Variants in SEMA5A observed in about 807,000 individuals in gnomAD.
The protein encoded by SEMA5A is semaphorin 5A.
SEMA5A carries 55 observed loss-of-function variants against 135.5 expected under a neutral mutation model. That is an observed-to-expected ratio of 0.41 (90% CI 0.33 to 0.51). SEMA5A has a LOEUF of 0.51. Among genes scored for constraint, SEMA5A ranks in the 20% least tolerant of loss-of-function variants. The pLI is 0.37. For synonymous variants in SEMA5A, 580 were observed against 546.5 expected (o/e 1.06, Z -0.85); for missense variants, 1,290 against 1,419.9 (o/e 0.91, Z 1.47).
chr5:9,119,134 C>T lies in SEMA5A; in HGVS notation c.1789G>A (p.Gly597Ser). The change falls in exon 15 of 23, where the codon GGC becomes AGC. Residue 597 changes from glycine to serine, a missense_variant. By Grantham distance (56) the Gly-to-Ser change is moderately conservative. Around this residue, in one of 3 missense-constraint regions of SEMA5A, gnomAD observed 1,029 missense variants for 1,086.6 expected, o/e 0.95. Coordinates refer to ENST00000382496, the MANE Select transcript of SEMA5A (RefSeq NM_003966.3). ...MEIANCSRNGGWTPWTSWSPC... is the reference protein window; with the variant it reads ...MEIANCSRNGSWTPWTSWSPC... ...GACCACGAGGTCCAGGGAGTCCAGC[C>T]TCCGTTCCTGAGGGAAGGGAAGCAA... The T allele has an allele frequency of 1.2e-6, 2 of 1,613,568 alleles. No homozygotes were observed. The highest frequency in any genetic ancestry group is 8.5e-7 in the Non-Finnish European group (1 of 1,179,866).
chr5:9,308,403 G>A (rs1323944853), intron 5 of SEMA5A, among the ~76,000 whole-genome samples: 1 of 152,120 alleles, frequency 6.6e-6, no homozygotes, highest in Non-Finnish European at 1.5e-5. Flanking sequence ...ATTAACAGCG[G>A]TTCTATATAT....
At chr5:9,095,228 A>G (rs1220520731) in intron 16 of SEMA5A, among the ~76,000 whole-genome samples, 1 of 152,074 alleles carries the variant, frequency 6.6e-6, no homozygotes, top group Non-Finnish European at 1.5e-5. Flanking sequence ...GGGGAACATC[A>G]CACACTGAGG....
rs577151360 is a variant in SEMA5A, at chr5:9,125,046, T to C, written c.1600-2209A>G. On this transcript the variant is annotated intron_variant, in intron 13 of 22. Transcript: ENST00000382496. Reference sequence around the variant, plus strand: ...CCATTTCAGAATAATGCTGACACCATATTTTGTGGGTAAAAATATAGGCAA... The same window carrying C: ...CCATTTCAGAATAATGCTGACACCACATTTTGTGGGTAAAAATATAGGCAA... Among the ~76,000 whole-genome samples, 7 of 152,344 alleles carry C rather than the reference T, an allele frequency of 4.6e-5. No homozygotes were observed. In the South Asian group the frequency reaches 1.2e-3, roughly 27 times the overall value.
chr5:9,378,671 A>T (rs1755467774), intron 3 of SEMA5A, among the ~76,000 whole-genome samples: 1 of 152,264 alleles, frequency 6.6e-6, no homozygotes, highest in Non-Finnish European at 1.5e-5. Context: ...GGTGTGAAAT[A>T]AAAGTAAAAT....
intron 1 of SEMA5A, among the ~76,000 whole-genome samples, chr5:9,483,946 A>T (rs1217069451): frequency 6.6e-6 from 1 of 152,190 alleles, no homozygotes; most frequent in Non-Finnish European, 1.5e-5. Flanking sequence ...TGGCCAACAT[A>T]TGTATCAACA....
chr5:9,120,847 C>T (rs992627217), intron 14 of SEMA5A, among the ~76,000 whole-genome samples: 6 of 150,764 alleles, frequency 4.0e-5, no homozygotes, highest in Admixed American at 2.0e-4. Flanking sequence ...GGCTCTAACT[C>T]GGCTCACTGT....
chr5:9,236,344 T>C (rs1215880772), intron 6 of SEMA5A, among the ~76,000 whole-genome samples: 1 of 152,162 alleles, frequency 6.6e-6, no homozygotes, highest in Non-Finnish European at 1.5e-5. Context: ...TCACTTCATG[T>C]AAGTCTGACT....
intron 16 of SEMA5A, among the ~76,000 whole-genome samples, chr5:9,074,660 T>C (rs1376393912): frequency 6.6e-6 from 1 of 152,092 alleles, no homozygotes; most frequent in Non-Finnish European, 1.5e-5. Context: ...AACTAACTAA[T>C]AGAAAAACTG....
At chr5:9,525,486 G>A (rs1209077686) in intron 1 of SEMA5A, among the ~76,000 whole-genome samples, 1 of 152,248 alleles carries the variant, frequency 6.6e-6, no homozygotes, top group Non-Finnish European at 1.5e-5. Flanking sequence ...CAATGCAACA[G>A]TTCAAGCTAA....
At chr5:9,146,114 G>A (rs1325674423) in intron 12 of SEMA5A, among the ~76,000 whole-genome samples, 1 of 152,072 alleles carries the variant, frequency 6.6e-6, no homozygotes, top group Non-Finnish European at 1.5e-5. Flanking sequence ...GTGTTGATGG[G>A]TTCTTACCCA....
intron 5 of SEMA5A, among the ~76,000 whole-genome samples, chr5:9,278,113 TA>T (rs58789253): frequency 0.012 from 1,709 of 143,178 alleles, 21 homozygotes; most frequent in African/African-American, 0.031. Flanking sequence ...CATGTAAACT[TA>T]AAAAAAAAAA....
In SEMA5A at chr5:9,054,276, T is replaced by C. The variant is rs769345076; in HGVS notation, c.2519-19A>G. On this transcript the variant is annotated intron_variant, in intron 18 of 22. Coordinates refer to ENST00000382496, the MANE Select transcript of SEMA5A (RefSeq NM_003966.3). ...CCATCCACTGTGAAGAAACACAATG[T>C]CACAGCTCTTCTATAATCCAATCCC... is the stretch of plus-strand genomic sequence containing the variant. The C allele has an allele frequency of 6.2e-7, 1 of 1,606,520 alleles. No individual in the cohort carries two copies. The highest frequency in any genetic ancestry group is 8.5e-7 in the Non-Finnish European group (1 of 1,176,532).
intron 3 of SEMA5A, among the ~76,000 whole-genome samples, chr5:9,355,328 G>T (rs1399588696): frequency 6.6e-6 from 1 of 152,176 alleles, no homozygotes; most frequent in Non-Finnish European, 1.5e-5. Context: ...AAACTCTTAG[G>T]ACTGTAGCAT....
intron 1 of SEMA5A, among the ~76,000 whole-genome samples, chr5:9,506,831 C>A (rs137971008): frequency 6.6e-6 from 1 of 152,194 alleles, no homozygotes; most frequent in African/African-American, 2.4e-5. Flanking sequence ...ATGCCTCCCC[C>A]TCTATGTGCT....
At chr5:9,100,065 T>C (rs748059402) in intron 16 of SEMA5A, among the ~76,000 whole-genome samples, 2 of 152,232 alleles carry the variant, frequency 1.3e-5, no homozygotes, top group Admixed American at 1.3e-4. Flanking sequence ...TAAATATGCC[T>C]GGCAGAAAGT....
intron 1 of SEMA5A, among the ~76,000 whole-genome samples, chr5:9,478,897 G>A (rs1315380765): frequency 1.3e-5 from 2 of 152,138 alleles, no homozygotes; most frequent in Non-Finnish European, 2.9e-5. Context: ...GGATGATATG[G>A]CTTGGCTCTG....
rs1176889691 is a variant in SEMA5A, at chr5:9,400,500, C to CTTTT, written c.-77-20478_-77-20477insAAAA. Among the ~76,000 whole-genome samples the CTTTT allele has an allele frequency of 2.4e-3, 205 of 85,326 alleles. 14 individuals are homozygous for CTTTT. The highest frequency in any genetic ancestry group is 4.2e-3 in the African/African-American group (86 of 20,618). 56.0% of individuals were successfully genotyped at this position (85,326 alleles called of 152,430 possible). On this transcript the variant is annotated intron_variant, in intron 2 of 22. Transcript: ENST00000382496. ...TCTTCAATAGTTTGAACACAATGTA[C>CTTTT]ATTTTTTTTTTTTTTTTTTTTTTTG...
chr5:9,344,926 G>T (rs1412793515), intron 3 of SEMA5A, among the ~76,000 whole-genome samples: 1 of 152,084 alleles, frequency 6.6e-6, no homozygotes, highest in Non-Finnish European at 1.5e-5. Flanking sequence ...TACACCACCT[G>T]CCCAAGGCTA....
At chr5:9,149,869 C>T (rs1742539459) in intron 12 of SEMA5A, among the ~76,000 whole-genome samples, 1 of 152,234 alleles carries the variant, frequency 6.6e-6, no homozygotes, top group South Asian at 2.1e-4. Flanking sequence ...AGGTGGGAAG[C>T]CTATGAGTTC....
Sources: gnomAD v4.1 joint callset for allele counts (sites outside exome capture counted in the v4.1 genomes callset) on GRCh38, gnomAD v4.1.1 for gene constraint, gnomAD v4.1.1 regional missense constraint, MANE v1.5 for transcripts, NCBI Gene and HGNC (gene_info 2026-07-23, HGNC 2026-07-21) for gene names.